Variants in CLCA2 observed in about 807,000 individuals in gnomAD.
CLCA2 encodes the protein chloride channel accessory 2, also known as calcium-activated chloride channel regulator 2.
CLCA2 carries 85 observed loss-of-function variants against 82.9 expected under a neutral mutation model. That is an observed-to-expected ratio of 1.03 (90% CI 0.86 to 1.23). The LOEUF (loss-of-function observed/expected upper bound fraction) is 1.23. Among genes scored for constraint, CLCA2 ranks in the 50% most tolerant of loss-of-function variants. The probability of loss-of-function intolerance (pLI) is 0.00; values close to 1 mark genes in which losing one functional copy is unlikely to be tolerated. For missense variants in CLCA2, 1,089 were observed against 1,124.8 expected (o/e 0.97, Z 0.45); for synonymous variants, 421 against 391.7 (o/e 1.07, Z -0.88).
At chr1:86,453,173 A>G (rs1206250949) in intron 12 of CLCA2, among the ~76,000 whole-genome samples, 196 bp from the exon 13 acceptor site, 2 of 152,196 alleles carry the variant, frequency 1.3e-5, no homozygotes, top group East Asian at 3.8e-4. Context: ...ACTCTGTCTC[A>G]AAATAAAATA....
chr1:86,436,135 C>T lies in CLCA2; in HGVS notation c.972+1390C>T, dbSNP rs370343658. ...CAGCAAAGCCTAAAATATTTACTATCTGGCCCTTCACAGAAAACTTCTGCT... is the reference window on the plus strand; with the variant it reads ...CAGCAAAGCCTAAAATATTTACTATTTGGCCCTTCACAGAAAACTTCTGCT... On this transcript the variant is annotated intron_variant, in intron 6 of 13. Coordinates refer to ENST00000370565, the MANE Select transcript of CLCA2 (RefSeq NM_006536.7). Among the ~76,000 whole-genome samples the T allele has an allele frequency of 2.0e-5, 3 of 152,208 alleles. No homozygotes were observed. In the East Asian group the frequency reaches 5.8e-4, roughly 29 times the overall value.
At chr1:86,442,980 A>G (rs12096784) in intron 9 of CLCA2, among the ~76,000 whole-genome samples, 1 of 152,156 alleles carries the variant, frequency 6.6e-6, no homozygotes, top group African/African-American at 2.4e-5. Flanking sequence ...TACTCTGTAC[A>G]TGTTACACAT....
Position 86,430,751 on chromosome 1 carries a change from T to G in CLCA2, c.476-111T>G, listed in dbSNP as rs532240307. ...GAGAGAGGGAAGTAACTTAAACTCT[T>G]TGGTCATTCCAAAGAGTATGTGTGG... On this transcript the variant is annotated intron_variant, in intron 3 of 13. Transcript: ENST00000370565. 1.2e-4 allele frequency: 99 copies of G among 796,082 alleles called. No individual in the cohort carries two copies. The East Asian group carries it at 2.5e-3, about 20-fold the overall frequency. The allele number at this position is 796,082 out of a possible 1,614,324, so 49.3% of individuals were successfully genotyped here.
At chr1:86,437,112 G>C (rs1424010067) in intron 6 of CLCA2, among the ~76,000 whole-genome samples, 2 of 152,180 alleles carry the variant, frequency 1.3e-5, no homozygotes, top group Non-Finnish European at 2.9e-5. Flanking sequence ...GATGGTACTT[G>C]AGAGTATCAT....
rs545253183 is a variant in CLCA2, at chr1:86,447,608, C to A, written c.1814C>A (p.Ala605Asp). The change falls in exon 11 of 14, where the codon GCC (alanine) becomes GAC (aspartate). Residue 605 changes from alanine to aspartate, a missense_variant. Physicochemically the swap from Ala to Asp is moderately radical, Grantham distance 126 (BLOSUM62 -2). Coordinates refer to ENST00000370565, the MANE Select transcript of CLCA2 (RefSeq NM_006536.7). ...SRASNSAVPP[A>D]TVEAFVERDS... The stretch of plus-strand genomic sequence containing the variant: ...GCCTCCAACTCAGCTGTGCCCCCAG[C>A]CACTGTGGAAGCCTTTGTGGAAAGA... 3.1e-6 allele frequency: 5 copies of A among 1,614,136 alleles called. No homozygotes were observed. The highest frequency in any genetic ancestry group is 2.2e-5 in the East Asian group (1 of 44,876).
In CLCA2 at chr1:86,442,060, T is replaced by C. The variant is rs529793414; in HGVS notation, c.1488+517T>C. The stretch of plus-strand genomic sequence containing the variant: ...AGTTAAGTCCTTTTCATAGGGCCAC[T>C]TTTTTTTTCTTTCCAAAGTACTTTA... On this transcript the variant is annotated intron_variant, in intron 9 of 13. Coordinates refer to ENST00000370565, the MANE Select transcript of CLCA2 (RefSeq NM_006536.7). Among the ~76,000 whole-genome samples, 19 of 138,204 alleles carry C rather than the reference T, an allele frequency of 1.4e-4. No homozygotes were observed. The South Asian group carries it at 4.6e-3, about 33-fold the overall frequency. The allele number at this position is 138,204 out of a possible 152,430, so 90.7% of individuals were successfully genotyped here. A position where few individuals can be genotyped will look rare whatever the true frequency, so the allele number is the denominator to read the frequency against.
At chr1:86,435,073 G>T (rs1391580076) in intron 6 of CLCA2, among the ~76,000 whole-genome samples, 1 of 152,156 alleles carries the variant, frequency 6.6e-6, no homozygotes, top group African/African-American at 2.4e-5. Context: ...GGGACTACAG[G>T]TGCAGGACAC....
At chr1:86,450,422 G>A in intron 11 of CLCA2, 141 bp from the exon 12 acceptor site, 1 of 583,262 alleles carries the variant, frequency 1.7e-6, no homozygotes, top group Non-Finnish European at 2.7e-6. Flanking sequence ...TTTATCACCT[G>A]AGAATGTAAA....
intron 11 of CLCA2, 141 bp downstream of exon 11, chr1:86,447,919 G>A: frequency 3.5e-6 from 3 of 854,612 alleles, no homozygotes; most frequent in East Asian, 5.3e-5. Context: ...AATTCTTATA[G>A]AGTCACTGAT....
rs753282693 is a variant in CLCA2 at position 86,434,579 on chromosome 1, T to C, written c.806T>C (p.Met269Thr). ...NQEAPNLQNQ[M>T]CSLRSAWDVI... ...GAAGCACCAAACCTACAGAACCAGA[T>C]GTGCAGCCTCAGAAGTGCATGGGAT... is the stretch of plus-strand genomic sequence containing the variant. Residue 269 changes from methionine (M) to threonine (T), a missense_variant, in exon 6 of 14, where the codon ATG becomes ACG. Transcript: ENST00000370565. The C allele has an allele frequency of 1.6e-5, 26 of 1,613,990 alleles. No individual in the cohort carries two copies. Among genetic ancestry groups the C allele is most frequent in the Non-Finnish European group, 1.9e-5 (23 of 1,180,020 alleles).
intron 11 of CLCA2, among the ~76,000 whole-genome samples, chr1:86,450,010 C>G (rs1662931093): frequency 6.6e-6 from 1 of 152,136 alleles, no homozygotes. Flanking sequence ...CCCCTAGAAT[C>G]TAGAAAAACA....
chr1:86,428,192 T>A (rs1200975082), intron 2 of CLCA2, among the ~76,000 whole-genome samples: 1 of 152,226 alleles, frequency 6.6e-6, no homozygotes, highest in Non-Finnish European at 1.5e-5. Context: ...AACATAGACC[T>A]TTTTGGAAAT....
chr1:86,446,536 A>G (rs1662857954), intron 10 of CLCA2, among the ~76,000 whole-genome samples: 1 of 152,144 alleles, frequency 6.6e-6, no homozygotes. Context: ...TCTGTCACTA[A>G]TGTTATGATT....
chr1:86,443,030 ATT>A (rs35038026), intron 9 of CLCA2, among the ~76,000 whole-genome samples: 2,892 of 146,946 alleles, frequency 0.02, 40 homozygotes, highest in South Asian at 0.055. Context: ...TGGCTAAATA[ATT>A]TTTTTTTTTT....
Position 86,438,942 on chromosome 1 carries a change from A to G in CLCA2, c.1039A>G (p.Thr347Ala), listed in dbSNP as rs1296657666. 4 of 1,613,988 alleles carry G rather than the reference A, an allele frequency of 2.5e-6. No homozygotes were observed. Among genetic ancestry groups the G allele is most frequent in the Non-Finnish European group, 3.4e-6 (4 of 1,180,008 alleles). Residue 347 changes from threonine to alanine, a missense_variant, in exon 7 of 14, where the codon ACC (threonine) becomes GCC (alanine). Physicochemically the swap from Thr to Ala is moderately conservative, Grantham distance 58. Coordinates refer to ENST00000370565, the MANE Select transcript of CLCA2 (RefSeq NM_006536.7). ...FYLMQIVEIHTFVGIASFDSK... is the reference protein window; with the variant it reads ...FYLMQIVEIHAFVGIASFDSK... ...TTTGATGCAGATTGTTGAAATTCAT[A>G]CCTTCGTGGGCATTGCCAGTTTCGA...
In CLCA2 at chr1:86,448,260, T is replaced by G. The variant is rs148611384; in HGVS notation, c.1984+482T>G. ...AATTGGAAACTGAACTTGTGACCTATAAGATGACCCTAGACCCAAGAGGCT... is the reference window on the plus strand; with the variant it reads ...AATTGGAAACTGAACTTGTGACCTAGAAGATGACCCTAGACCCAAGAGGCT... On this transcript the variant is annotated intron_variant, in intron 11 of 13. Coordinates refer to ENST00000370565, the MANE Select transcript of CLCA2 (RefSeq NM_006536.7). 3.7e-4 allele frequency: 61 copies of G among 163,684 alleles called. No individual in the cohort carries two copies. The East Asian group carries it at 5.4e-3, about 15-fold the overall frequency. The allele number at this position is 163,684 out of a possible 1,614,324, so 10.1% of individuals were successfully genotyped here.
At chr1:86,452,620 C>T (rs1027485133) in intron 12 of CLCA2, among the ~76,000 whole-genome samples, 1 of 152,138 alleles carries the variant, frequency 6.6e-6, no homozygotes, top group Non-Finnish European at 1.5e-5. Context: ...TTGCTGTTCC[C>T]TCTACCTAGA....
intron 6 of CLCA2, among the ~76,000 whole-genome samples, chr1:86,436,099 A>G (rs565158187): frequency 6.6e-6 from 1 of 152,324 alleles, no homozygotes; most frequent in East Asian, 1.9e-4. Flanking sequence ...TGCAACAGAG[A>G]ACTTAATGGC....
At chr1:86,434,168 C>T (rs916237543) in intron 5 of CLCA2, among the ~76,000 whole-genome samples, 2 of 152,168 alleles carry the variant, frequency 1.3e-5, no homozygotes, top group Admixed American at 1.3e-4. Flanking sequence ...CTTCTTCTGG[C>T]TGTTTTCCTA....
Sources: allele counts gnomAD v4.1 joint callset (sites outside exome capture counted in the v4.1 genomes callset), GRCh38; gene constraint gnomAD v4.1.1; transcripts MANE v1.5; gene names NCBI Gene and HGNC (gene_info 2026-07-23, HGNC 2026-07-21).